PDYN: variants seen among roughly 807,000 people sequenced by gnomAD.
The protein encoded by PDYN is proenkephalin-B.
A neutral mutation model predicts 11.4 loss-of-function variants in PDYN; 5 were observed. That is an observed-to-expected ratio of 0.44 (90% confidence interval 0.23 to 0.92). The LOEUF (loss-of-function observed/expected upper bound fraction) is 0.92, where lower values mean the gene tolerates loss of function less well. Ranked by LOEUF, PDYN falls within the 40% of genes least tolerant of loss-of-function variation. The pLI is 0.24. For missense variants in PDYN, 337 were observed against 317.3 expected (o/e 1.06, Z -0.47); for synonymous variants, 132 against 129.5 (o/e 1.02, Z -0.13).
At chr20:1,991,803 T>G (rs2122398610) in intron 2 of PDYN, among the ~76,000 whole-genome samples, 1 of 152,228 alleles carries the variant, frequency 6.6e-6, no homozygotes, top group Non-Finnish European at 1.5e-5. Flanking sequence ...AGGTGGGTAG[T>G]GGGAGGTGGA....
At chr20:1,984,123 C>T (rs1600518634) in intron 2 of PDYN, among the ~76,000 whole-genome samples, 2 of 152,130 alleles carry the variant, frequency 1.3e-5, no homozygotes, top group South Asian at 2.1e-4. Flanking sequence ...ATTAGCTATG[C>T]GAGTCTTCAG....
At chr20:1,987,749 G>A (rs554284198) in intron 2 of PDYN, among the ~76,000 whole-genome samples, 1 of 152,202 alleles carries the variant, frequency 6.6e-6, no homozygotes, top group Non-Finnish European at 1.5e-5. Context: ...GCTTTACTGT[G>A]CCTCAGTTTT....
intron 3 of PDYN, among the ~76,000 whole-genome samples, chr20:1,981,738 A>G (rs542323009): frequency 1.1e-3 from 174 of 151,754 alleles, no homozygotes; most frequent in African/African-American, 4.1e-3. Context: ...CCAGCCGGGC[A>G]GACATGGCAA....
At position 1,983,010 on chromosome 20, in the gene PDYN, C is replaced by T; in HGVS notation, c.75G>A (p.Arg25=). 1 of 1,614,064 alleles carries T rather than the reference C, an allele frequency of 6.2e-7. No homozygotes were observed. Among genetic ancestry groups the T allele is most frequent in the South Asian group, 1.1e-5 (1 of 91,084 alleles). The change falls in exon 3 of 4, where the codon CGG becomes CGA. Residue 25 remains arginine, a synonymous_variant. Coordinates refer to ENST00000217305, the MANE Select transcript of PDYN (RefSeq NM_024411.5). ...GGGTCTTTACAGCACACAAGGAGCA[C>T]CGCGACAGGCAGTCCGCTGTGGTGG... ...FPSTTADCLS[R]CSLCAVKTQD...
chr20:1,984,984 C>T (rs748641191), intron 2 of PDYN, among the ~76,000 whole-genome samples: 9 of 152,220 alleles, frequency 5.9e-5, no homozygotes, highest in East Asian at 5.8e-4. Context: ...TTTATGGGGG[C>T]GCAGTACAGT....
chr20:1,985,413 G>A (rs920421978), intron 2 of PDYN, among the ~76,000 whole-genome samples: 4 of 152,060 alleles, frequency 2.6e-5, no homozygotes, highest in African/African-American at 9.7e-5. Context: ...AAGCTGGGGT[G>A]CAAGGCCTGC....
intron 2 of PDYN, among the ~76,000 whole-genome samples, chr20:1,989,805 G>A (rs572702484): frequency 1.3e-4 from 20 of 152,318 alleles, no homozygotes; most frequent in South Asian, 8.3e-4. Flanking sequence ...CACCTGAACC[G>A]TGACTCCCAC....
intron 3 of PDYN, among the ~76,000 whole-genome samples, chr20:1,982,100 T>C (rs943802442): frequency 5.4e-4 from 82 of 151,232 alleles, no homozygotes; most frequent in African/African-American, 1.8e-3. Flanking sequence ...CTACTAAAAA[T>C]ACAAAAATTA....
intron 2 of PDYN, among the ~76,000 whole-genome samples, chr20:1,985,955 G>A (rs1988159715): frequency 6.6e-6 from 1 of 152,148 alleles, no homozygotes; most frequent in Non-Finnish European, 1.5e-5. Flanking sequence ...CCTGGCCGAA[G>A]GCTTCCCACA....
At chr20:1,985,250 G>T (rs1988109951) in intron 2 of PDYN, among the ~76,000 whole-genome samples, 1 of 152,072 alleles carries the variant, frequency 6.6e-6, no homozygotes, top group Non-Finnish European at 1.5e-5. Flanking sequence ...CATGCAGTAG[G>T]CTCCCCCACC....
intron 1 of PDYN, 173 bp downstream of exon 1, chr20:1,993,738 C>G (rs1323023881): frequency 6.6e-6 from 1 of 152,230 alleles, no homozygotes; most frequent in African/African-American, 2.4e-5. Flanking sequence ...AGAGCAGTCT[C>G]TCACTGGTCT....
In PDYN at chr20:1,980,728, G is replaced by A. The variant is rs1374036729; in HGVS notation, c.360C>T (p.Asn120=). Residue 120 remains asparagine, a synonymous_variant, in exon 4 of 4, where the codon AAC becomes AAT. Coordinates refer to ENST00000217305, the MANE Select transcript of PDYN (RefSeq NM_024411.5). ...KFLPSISTKE[N]TLSKSLEEKL... is the part of the protein sequence containing the mutation. ...TCTCCTCCAGGCTCTTGCTCAGAGT[G>A]TTCTCCTTTGTTGAGATACTTGGGA... 1.9e-6 allele frequency: 3 copies of A among 1,614,192 alleles called. No individual in the cohort carries two copies. The highest frequency in any genetic ancestry group is 2.5e-6 in the Non-Finnish European group (3 of 1,180,036).
rs1244037273 is a variant in PDYN at position 1,979,661 on chromosome 20, C to T, written c.*662G>A. 1 of 155,440 alleles carries T rather than the reference C, an allele frequency of 6.4e-6. No homozygotes were observed. Among genetic ancestry groups the T allele is most frequent in the Admixed American group, 6.2e-5 (1 of 16,142 alleles). The allele number at this position is 155,440 out of a possible 1,614,324, so 9.6% of individuals were successfully genotyped here. ...GGTGCTTTTCTGAACAATGAGGACT[C>T]AGAGTACACTGACTAAACATTAAAC... On this transcript the variant is annotated 3_prime_UTR_variant, in exon 4 of 4. Coordinates refer to ENST00000217305, the MANE Select transcript of PDYN (RefSeq NM_024411.5).
At chr20:1,983,126 T>C in intron 2 of PDYN, 23 bp from the exon 3 acceptor site, 9 of 1,600,370 alleles carry the variant, frequency 5.6e-6, no homozygotes, top group Non-Finnish European at 7.7e-6. Flanking sequence ...AAAGAGAAGA[T>C]AATGAAATCT....
chr20:1,990,458 GT>G (rs1387549020), intron 2 of PDYN, among the ~76,000 whole-genome samples: 1 of 152,236 alleles, frequency 6.6e-6, no homozygotes, highest in Non-Finnish European at 1.5e-5. Context: ...GGTGCCCCTT[GT>G]TAGGTGTTAG....
chr20:1,981,578 C>T (rs1467095176), intron 3 of PDYN, among the ~76,000 whole-genome samples: 4 of 152,076 alleles, frequency 2.6e-5, no homozygotes, highest in South Asian at 2.1e-4. Context: ...AGATTGGGCA[C>T]GGGCAGGACC....
At position 1,979,763 on chromosome 20, in the gene PDYN, C is replaced by G. The variant is rs1185077874; in HGVS notation, c.*560G>C. 1 of 166,398 alleles carries G rather than the reference C, an allele frequency of 6.0e-6. No homozygotes were observed. Among genetic ancestry groups the G allele is most frequent in the African/African-American group, 2.4e-5 (1 of 41,570 alleles). The allele number at this position is 166,398 out of a possible 1,614,324, so 10.3% of individuals were successfully genotyped here. A position where few individuals can be genotyped will look rare whatever the true frequency, so the allele number is the denominator to read the frequency against. On this transcript the variant is annotated 3_prime_UTR_variant, in exon 4 of 4. Transcript: ENST00000217305. ...CAATGTTTAAGCTTTTTACCTAAAG[C>G]ATCGTCTCCAAAGTCAGGTGCACAG... is the stretch of plus-strand genomic sequence containing the variant.
In PDYN at chr20:1,980,693, C is replaced by A; in HGVS notation, c.395G>T (p.Gly132Val). ...TCCCTCCCTAAACCCGTCAGAGAGA[C>A]CCCTGAGCTTCTCCTCCAGGCTCTT... Reference protein sequence around the residue: ...LSKSLEEKLRGLSDGFREGAE... With the variant: ...LSKSLEEKLRVLSDGFREGAE... The change falls in exon 4 of 4, where the codon GGT (glycine) becomes GTT (valine). Residue 132 changes from glycine to valine, a missense_variant. By Grantham distance (109) the Gly-to-Val change is moderately radical. Coordinates refer to ENST00000217305, the MANE Select transcript of PDYN (RefSeq NM_024411.5). 6.2e-7 allele frequency: 1 copy of A among 1,614,200 alleles called. No individual in the cohort carries two copies. The highest frequency in any genetic ancestry group is 8.5e-7 in the Non-Finnish European group (1 of 1,180,036).
intron 1 of PDYN, among the ~76,000 whole-genome samples, chr20:1,992,883 C>A (rs1192872659): frequency 6.6e-6 from 1 of 152,096 alleles, no homozygotes; most frequent in Non-Finnish European, 1.5e-5. Context: ...GACTTTCAGT[C>A]TGTGGGAGGG....
Sources: gnomAD v4.1 joint callset for allele counts (sites outside exome capture counted in the v4.1 genomes callset) on GRCh38, gnomAD v4.1.1 for gene constraint, MANE v1.5 for transcripts, NCBI Gene and HGNC (gene_info 2026-07-23, HGNC 2026-07-21) for gene names.